Variants in NUMBL observed in about 807,000 individuals in gnomAD.
The protein encoded by NUMBL is NUMB like endocytic adaptor protein, also known as numb-like protein.
NUMBL carries 20 observed loss-of-function variants against 48.9 expected under a neutral mutation model. The ratio of observed to expected loss-of-function variants is 0.41; its 90% CI spans 0.29 to 0.59. The LOEUF (loss-of-function observed/expected upper bound fraction) is 0.59, where lower values mean the gene tolerates loss of function less well. NUMBL is among the 20% of genes least tolerant of loss of function. The pLI, the probability that NUMBL is intolerant of heterozygous loss-of-function variation, is 0.31. For synonymous variants in NUMBL, 340 were observed against 348.7 expected, an observed-to-expected ratio of 0.98 and a Z score of 0.28; for missense variants, 660 against 846.2, an observed-to-expected ratio of 0.78 and a Z score of 2.73.
At chr19:40,678,334 T>C (rs1282951027) in intron 6 of NUMBL, among the ~76,000 whole-genome samples, 3 of 152,124 alleles carry the variant, frequency 2.0e-5, no homozygotes, top group Non-Finnish European at 4.4e-5. Context: ...GGTTAATTTG[T>C]GTATTTTTAG....
intron 8 of NUMBL, among the ~76,000 whole-genome samples, chr19:40,672,799 G>A (rs1379098327): frequency 1.3e-5 from 2 of 151,840 alleles, no homozygotes; most frequent in Non-Finnish European, 2.9e-5. Context: ...GCCCTAGGCA[G>A]ACATTTCTAA....
chr19:40,676,543 T>A lies in NUMBL; in HGVS notation c.730+689A>T, dbSNP rs757480547. On this transcript the variant is annotated intron_variant, in intron 7 of 9. Coordinates refer to ENST00000252891, the MANE Select transcript of NUMBL (RefSeq NM_004756.5). ...GGCCAACATGGTGAAACCCCATCTC[T>A]ACTAAAAATACAAAAATTAGCCATG... Among the ~76,000 whole-genome samples the A allele has an allele frequency of 1.0e-3, 157 of 151,580 alleles. 2 individuals are homozygous for A. Among genetic ancestry groups the A allele is most frequent in the Non-Finnish European group, 2.0e-3 (139 of 67,934 alleles).
chr19:40,677,374 C>T lies in NUMBL; in HGVS notation c.588G>A (p.Leu196=). The part of the protein sequence containing the change: ...HAVGCAFAAC[L]ERKQRREKEC... Reference sequence around the variant, plus strand: ...CCTTCTCCCGTCGCTGTTTTCGCTCCAGGCAGGCGGCAAAAGCACAGCCCA... The same window carrying T: ...CCTTCTCCCGTCGCTGTTTTCGCTCTAGGCAGGCGGCAAAAGCACAGCCCA... Residue 196 remains leucine, a synonymous_variant, in exon 7 of 10, where the codon CTG becomes CTA. Transcript: ENST00000252891. 1 of 1,611,738 alleles carries T rather than the reference C, an allele frequency of 6.2e-7. No individual in the cohort carries two copies. Among genetic ancestry groups the T allele is most frequent in the East Asian group, 2.2e-5 (1 of 44,886 alleles).
At chr19:40,674,609 C>T (rs1050733083) in intron 7 of NUMBL, among the ~76,000 whole-genome samples, 28 of 152,168 alleles carry the variant, frequency 1.8e-4, no homozygotes, top group Non-Finnish European at 3.4e-4. Context: ...CTGCTTCTCC[C>T]ATCGTGACAC....
chr19:40,677,447 G>A, intron 6 of NUMBL, 26 bp from the exon 7 acceptor site: 1 of 1,596,970 alleles, frequency 6.3e-7, no homozygotes, highest in South Asian at 1.1e-5. Flanking sequence ...GGGCGGGGGG[G>A]TTAGAGGCGC....
Position 40,680,680 on chromosome 19 carries a change from C to A in NUMBL, c.540+237G>T, listed in dbSNP as rs1397068573. ...TCCAGGGTGGTCTTGAACTCCTGAGCTCAGGCAATCCCCCCGCCCCAGCAT... is the reference window on the plus strand; with the variant it reads ...TCCAGGGTGGTCTTGAACTCCTGAGATCAGGCAATCCCCCCGCCCCAGCAT... On this transcript the variant is annotated intron_variant, in intron 6 of 9. Coordinates refer to ENST00000252891, the MANE Select transcript of NUMBL (RefSeq NM_004756.5). 5.9e-5 allele frequency among the ~76,000 whole-genome samples: 9 copies of A among 152,292 alleles called. No homozygotes were observed. The East Asian group carries it at 7.7e-4, about 13-fold the overall frequency.
chr19:40,687,465 G>A lies in NUMBL; in HGVS notation c.25-470C>T, dbSNP rs1292460446. On this transcript the variant is annotated intron_variant, in intron 1 of 9. Coordinates refer to ENST00000252891, the MANE Select transcript of NUMBL (RefSeq NM_004756.5). The surrounding 1 kb of genome is among the most constrained non-coding windows in gnomAD (Gnocchi z 4.6). The stretch of plus-strand genomic sequence containing the variant: ...AACATCTGGCCGCATATTCATGTTC[G>A]GACACACACAGTCTCTACTACAGAC... 6.6e-6 allele frequency among the ~76,000 whole-genome samples: 1 copy of A among 152,102 alleles called. No homozygotes were observed. The highest frequency in any genetic ancestry group is 1.5e-5 in the Non-Finnish European group (1 of 68,014).
Position 40,667,572 on chromosome 19 carries a change from G to C in NUMBL, c.1726C>G (p.Pro576Ala). 6.4e-7 allele frequency: 1 copy of C among 1,558,370 alleles called. No homozygotes were observed. The highest frequency in any genetic ancestry group is 8.7e-7 in the Non-Finnish European group (1 of 1,150,660). Residue 576 changes from proline (P) to alanine (A), a missense_variant, in exon 10 of 10, where the codon CCC becomes GCC. Coordinates refer to ENST00000252891, the MANE Select transcript of NUMBL (RefSeq NM_004756.5). This position sits in a 1 kb window ranked among gnomAD's most constrained non-coding sequence, Gnocchi z 6.1. The stretch of plus-strand genomic sequence containing the variant: ...AATGCCGCCCACTGGGCCTCAAAGG[G>C]GTCCAACTCTGGAGCTGGGGCAGGC... Reference protein sequence around the residue: ...PAPAPAPELDPFEAQWAALEG... With the variant: ...PAPAPAPELDAFEAQWAALEG...
intron 3 of NUMBL, 139 bp from the exon 4 acceptor site, chr19:40,683,107 A>G (rs570456458): frequency 1.4e-5 from 11 of 774,898 alleles, no homozygotes; most frequent in East Asian, 5.3e-5. Context: ...CTGCATCTCA[A>G]CTCTACAAGG....
At chr19:40,678,691 T>C (rs1262622140) in intron 6 of NUMBL, among the ~76,000 whole-genome samples, 3 of 152,096 alleles carry the variant, frequency 2.0e-5, no homozygotes, top group African/African-American at 7.2e-5. Context: ...CAGCCTGAAC[T>C]AAGACAATCA....
At chr19:40,684,787 G>C in intron 2 of NUMBL, 1 of 488,714 alleles carries the variant, frequency 2.0e-6, no homozygotes, top group Non-Finnish European at 3.6e-6. Flanking sequence ...TGGGGATTCA[G>C]AACCATGGGG....
At position 40,682,995 on chromosome 19, in the gene NUMBL, G is replaced by GGA. The variant is rs59421550; in HGVS notation, c.250-28_250-27insTC. The GGA allele has an allele frequency of 1.9e-6, 3 of 1,591,596 alleles. No homozygotes were observed. Among genetic ancestry groups the GGA allele is most frequent in the South Asian group, 2.2e-5 (2 of 90,646 alleles). On this transcript the variant is annotated intron_variant, in intron 3 of 9. Transcript: ENST00000252891. This position sits in a 1 kb window ranked among gnomAD's most constrained non-coding sequence, Gnocchi z 4.0. ...TTGGGTTGGAGGGAATGGGGGGGGG[G>GGA]ACATGAAACAGCACAGTAATCACTC...
Position 40,673,633 on chromosome 19 carries a change from G to A in NUMBL, c.747C>T (p.Ala249=). Residue 249 remains alanine, a synonymous_variant, in exon 8 of 10, where the codon GCC becomes GCT. Transcript: ENST00000252891. This position sits in a 1 kb window ranked among gnomAD's most constrained non-coding sequence, Gnocchi z 5.9. The part of the protein sequence containing the change: ...PDKKKAEAAA[A]PTVAPGPAQP... ...GGGCAGGGCCAGGAGCCACAGTGGGGGCAGCTGCTGCCTCTGCTGGAGACA... is the reference window on the plus strand; with the variant it reads ...GGGCAGGGCCAGGAGCCACAGTGGGAGCAGCTGCTGCCTCTGCTGGAGACA... 1 of 1,493,648 alleles carries A rather than the reference G, an allele frequency of 6.7e-7. No homozygotes were observed. The highest frequency in any genetic ancestry group is 9.0e-7 in the Non-Finnish European group (1 of 1,117,192). The allele number at this position is 1,493,648 out of a possible 1,614,324, so 92.5% of individuals were successfully genotyped here.
intron 7 of NUMBL, among the ~76,000 whole-genome samples, chr19:40,676,503 G>A (rs1206839771): frequency 6.6e-6 from 1 of 152,036 alleles, no homozygotes; most frequent in East Asian, 1.9e-4. Context: ...TGGCTCACCT[G>A]AGGTCAGGAG....
chr19:40,683,023 T>G, intron 3 of NUMBL, 55 bp from the exon 4 acceptor site: 3 of 1,469,378 alleles, frequency 2.0e-6, no homozygotes, highest in Non-Finnish European at 1.9e-6. Flanking sequence ...AATCACTCAT[T>G]CTCAGTGTCC....
At chr19:40,678,143 A>G (rs2144658102) in intron 6 of NUMBL, among the ~76,000 whole-genome samples, 1 of 152,212 alleles carries the variant, frequency 6.6e-6, no homozygotes, top group East Asian at 1.9e-4. Context: ...TGGGGTCCTC[A>G]TGATGGAATT....
Position 40,688,531 on chromosome 19 carries a change from A to G in NUMBL, c.25-1536T>C, listed in dbSNP as rs2081945689. On this transcript the variant is annotated intron_variant, in intron 1 of 9. Transcript: ENST00000252891. The surrounding 1 kb of genome is among the most constrained non-coding windows in gnomAD (Gnocchi z 4.6). ...GGCCAATCTCATCACCAAATCACAC[A>G]TTCTAACACAGGTAGTCCAGCACAT... 6.6e-6 allele frequency among the ~76,000 whole-genome samples: 1 copy of G among 152,164 alleles called. No homozygotes were observed. Among genetic ancestry groups the G allele is most frequent in the South Asian group, 2.1e-4 (1 of 4,826 alleles).
chr19:40,683,186 A>G (rs2561542), intron 3 of NUMBL: 395,041 of 606,748 alleles, frequency 0.65, 131,625 homozygotes, highest in African/African-American at 0.91. Flanking sequence ...TAGTGATTCC[A>G]GTCTAGCTAT....
Position 40,666,384 on chromosome 19 carries a change from C to A in NUMBL, c.*1084G>T, listed in dbSNP as rs2144643052. 1 of 152,296 alleles carries A rather than the reference C, an allele frequency of 6.6e-6. No individual in the cohort carries two copies. Among genetic ancestry groups the A allele is most frequent in the East Asian group, 1.9e-4 (1 of 5,180 alleles). 9.4% of individuals were successfully genotyped at this position (152,296 alleles called of 1,614,324 possible). A position where few individuals can be genotyped will look rare whatever the true frequency, so the allele number is the denominator to read the frequency against. On this transcript the variant is annotated 3_prime_UTR_variant, in exon 10 of 10. Coordinates refer to ENST00000252891, the MANE Select transcript of NUMBL (RefSeq NM_004756.5). ...CGAACTCCTGACCTTAAGTGATCTGCCTGCCTCGACCTCCCAAAGTGCTGG... is the reference window on the plus strand; with the variant it reads ...CGAACTCCTGACCTTAAGTGATCTGACTGCCTCGACCTCCCAAAGTGCTGG...
Sources: allele counts gnomAD v4.1 joint callset (sites outside exome capture counted in the v4.1 genomes callset), GRCh38; gene constraint gnomAD v4.1.1; non-coding constraint Gnocchi (gnomAD v3.1); transcripts MANE v1.5; gene names NCBI Gene and HGNC (gene_info 2026-07-23, HGNC 2026-07-21).